INTS9: variants seen among roughly 807,000 people sequenced by gnomAD.
INTS9 encodes integrator complex subunit 9, also known as protein related to CPSF subunits of 74 kDa.
A neutral mutation model predicts 79.7 loss-of-function variants in INTS9; 55 were observed. The observed-to-expected ratio is 0.69, with a 90% CI of 0.56 to 0.86. The LOEUF is 0.86. Among genes scored for constraint, INTS9 ranks in the 40% least tolerant of loss-of-function variants. The pLI, the probability that INTS9 is intolerant of heterozygous loss-of-function variation, is 0.00. For missense variants in INTS9, 721 were observed against 831.5 expected (o/e 0.87, Z 1.64); for synonymous variants, 319 against 325.2 (o/e 0.98, Z 0.20).
In INTS9 at chr8:28,770,988, C is replaced by CA. The variant is rs1482303524; in HGVS notation, c.1655dup (p.Leu552PhefsTer23). The CA allele has an allele frequency of 1.9e-6, 3 of 1,612,956 alleles. No individual in the cohort carries two copies. The highest frequency in any genetic ancestry group is 2.5e-6 in the Non-Finnish European group (3 of 1,179,722). ...CCCACCCAGCACCCCCTACCTGAAG[C>CA]AAGTGCTTGTTATCTTTGGTGTGCA... On this transcript the variant is annotated frameshift_variant, in exon 15 of 17. Coordinates refer to ENST00000521022, the MANE Select transcript of INTS9 (RefSeq NM_018250.4). LOFTEE classifies it high-confidence loss of function.
intron 6 of INTS9, among the ~76,000 whole-genome samples, chr8:28,817,552 C>A (rs1379623869): frequency 6.6e-6 from 1 of 152,200 alleles, no homozygotes; most frequent in Non-Finnish European, 1.5e-5. Flanking sequence ...GTTTTGGTTA[C>A]TGTAGCCTTG....
intron 1 of INTS9, among the ~76,000 whole-genome samples, chr8:28,878,643 A>T (rs557432800): frequency 0.013 from 1,843 of 145,498 alleles, 49 homozygotes; most frequent in African/African-American, 0.047. Flanking sequence ...TTTTTTTTTA[A>T]AAAAAAAACA....
At chr8:28,865,849 C>T (rs1360763569) in intron 1 of INTS9, among the ~76,000 whole-genome samples, 1 of 152,066 alleles carries the variant, frequency 6.6e-6, no homozygotes, top group Non-Finnish European at 1.5e-5. Flanking sequence ...TGAATACGGC[C>T]TCTCTCCATT....
intron 1 of INTS9, chr8:28,862,250 A>G (rs1808502500): frequency 1.0e-6 from 1 of 974,406 alleles, no homozygotes; most frequent in African/African-American, 1.8e-5. Context: ...TGGAAATAAA[A>G]TTATCTACAA....
chr8:28,870,968 T>A (rs923939100), intron 1 of INTS9, among the ~76,000 whole-genome samples: 4 of 152,214 alleles, frequency 2.6e-5, no homozygotes, highest in African/African-American at 7.2e-5. Flanking sequence ...CAGCTTTTGA[T>A]AAATTAAGTT....
chr8:28,888,211 A>T (rs1308981557), intron 1 of INTS9, among the ~76,000 whole-genome samples: 1 of 152,130 alleles, frequency 6.6e-6, no homozygotes, highest in African/African-American at 2.4e-5. Context: ...TGTTCTCTGA[A>T]TTCCCAAAAC....
intron 10 of INTS9, among the ~76,000 whole-genome samples, chr8:28,790,822 C>T (rs1389682736): frequency 6.6e-6 from 1 of 152,174 alleles, no homozygotes; most frequent in South Asian, 2.1e-4. Flanking sequence ...GCTGAGGACA[C>T]CCCAACCTAT....
intron 6 of INTS9, among the ~76,000 whole-genome samples, chr8:28,820,916 T>TAA: frequency 6.6e-6 from 1 of 150,958 alleles, no homozygotes; most frequent in South Asian, 2.1e-4. Context: ...GGTAAAAGTG[T>TAA]AAAAAAAAAG....
chr8:28,856,370 C>G (rs1351947250), intron 2 of INTS9, among the ~76,000 whole-genome samples: 2 of 152,070 alleles, frequency 1.3e-5, no homozygotes, highest in Admixed American at 1.3e-4. Flanking sequence ...CTCTTCTGGA[C>G]CCAGTCTGAT....
chr8:28,871,306 T>C (rs907049093), intron 1 of INTS9, among the ~76,000 whole-genome samples: 5 of 152,228 alleles, frequency 3.3e-5, no homozygotes. Context: ...TCAGTTTACC[T>C]TGGTCCATGA....
chr8:28,788,192 T>C (rs571693993), intron 10 of INTS9, among the ~76,000 whole-genome samples: 2 of 152,358 alleles, frequency 1.3e-5, no homozygotes, highest in African/African-American at 4.8e-5. Flanking sequence ...TCACCCTATG[T>C]CCCCAGAGTT....
In INTS9 at chr8:28,843,115, T is replaced by C. The variant is rs1807291561; in HGVS notation, c.261+3632A>G. Among the ~76,000 whole-genome samples, 3 of 152,358 alleles carry C rather than the reference T, an allele frequency of 2.0e-5. No individual in the cohort carries two copies. In the South Asian group the frequency reaches 6.2e-4, roughly 32 times the overall value. ...ACTTCTCGACTTCAGGGACAAAGCA[T>C]CAATGGAATCCTGACAAGCGGTTCT... On this transcript the variant is annotated intron_variant, in intron 4 of 16. Transcript: ENST00000521022.
rs777518238 is a variant in INTS9, at chr8:28,780,995, C to G, written c.1099-1G>C. On this transcript the variant is annotated splice_acceptor_variant, in intron 11 of 16. Transcript: ENST00000521022. LOFTEE classifies it high-confidence loss of function. Reference sequence around the variant, plus strand: ...GCTTCAGCTTATTGGTCTGAATGAGCTGGAAAATATAGAAAAAATACAAAG... The same window carrying G: ...GCTTCAGCTTATTGGTCTGAATGAGGTGGAAAATATAGAAAAAATACAAAG... The G allele has an allele frequency of 1.2e-6, 2 of 1,611,696 alleles. No individual in the cohort carries two copies. Among genetic ancestry groups the G allele is most frequent in the South Asian group, 2.2e-5 (2 of 90,924 alleles).
At chr8:28,819,847 G>A (rs1805721928) in intron 6 of INTS9, among the ~76,000 whole-genome samples, 1 of 152,178 alleles carries the variant, frequency 6.6e-6, no homozygotes, top group African/African-American at 2.4e-5. Context: ...CTGTTTGGGT[G>A]CATATATATT....
intron 9 of INTS9, among the ~76,000 whole-genome samples, chr8:28,795,314 G>A (rs2130962040): frequency 6.6e-6 from 1 of 152,288 alleles, no homozygotes; most frequent in East Asian, 1.9e-4. Flanking sequence ...GGTCGAGGGT[G>A]CAGGCCCCAT....
intron 10 of INTS9, chr8:28,793,604 C>T: frequency 2.0e-6 from 1 of 494,764 alleles, no homozygotes; most frequent in East Asian, 3.2e-5. Flanking sequence ...GCCTTGCATT[C>T]TTCCCTCTTT....
At chr8:28,854,262 A>G (rs1018261153) in intron 2 of INTS9, among the ~76,000 whole-genome samples, 13 of 152,238 alleles carry the variant, frequency 8.5e-5, no homozygotes, top group African/African-American at 3.1e-4. Flanking sequence ...AAAAAATATT[A>G]ACAAGCTTAA....
rs542802568 is a variant in INTS9 at position 28,784,988 on chromosome 8, GT to G, written c.1098+2840del. ...CTCGGCAGTTCCTCAGTCTTCCCTTGTCCTCTAGGTCTCTGACATTCTCAAA... is the reference window on the plus strand; with the variant it reads ...CTCGGCAGTTCCTCAGTCTTCCCTTGCCTCTAGGTCTCTGACATTCTCAAA... On this transcript the variant is annotated intron_variant, in intron 11 of 16. Coordinates refer to ENST00000521022, the MANE Select transcript of INTS9 (RefSeq NM_018250.4). Among the ~76,000 whole-genome samples the G allele has an allele frequency of 3.5e-3, 537 of 152,226 alleles. 3 individuals carry two copies. The highest frequency in any genetic ancestry group is 0.012 in the African/African-American group (514 of 41,496).
chr8:28,882,259 T>C (rs1205602773), intron 1 of INTS9, among the ~76,000 whole-genome samples: 1 of 133,358 alleles, frequency 7.5e-6, no homozygotes, highest in African/African-American at 2.6e-5. Context: ...GAAGGCAGCA[T>C]GCTCGTTAAG....
Sources: allele counts gnomAD v4.1 joint callset (sites outside exome capture counted in the v4.1 genomes callset), GRCh38; gene constraint gnomAD v4.1.1; transcripts MANE v1.5; gene names NCBI Gene and HGNC (gene_info 2026-07-23, HGNC 2026-07-21).